Variants in MID2 observed in about 807,000 individuals in gnomAD.
MID2 encodes the protein midline 2.
Under a neutral mutation model 46.1 loss-of-function variants are expected in MID2, and 13 were observed. That is an observed-to-expected ratio of 0.28 (90% CI 0.18 to 0.45). The LOEUF is 0.45. MID2 is among the 20% of genes least tolerant of loss of function. The pLI, the probability that MID2 is intolerant of heterozygous loss-of-function variation, is 1.00. For missense variants in MID2, 431 were observed against 575.4 expected (o/e 0.75, Z 2.57); for synonymous variants, 199 against 212.3 (o/e 0.94, Z 0.55).
At chrX:107,898,637 C>A (rs1314036873) in intron 3 of MID2, among the ~76,000 whole-genome samples, 1 of 112,215 alleles carries the variant, frequency 8.9e-6, no homozygotes, top group Non-Finnish European at 1.9e-5. Flanking sequence ...GAAGCTGAGT[C>A]ATTTTCATCG....
chrX:107,878,552 G>A (rs903636986), intron 3 of MID2, among the ~76,000 whole-genome samples: 1 of 112,437 alleles, frequency 8.9e-6, no homozygotes, highest in African/African-American at 3.2e-5. Flanking sequence ...AAGAAGAAAG[G>A]AAAGATACCA....
At chrX:107,857,470 G>A (rs962094998) in intron 3 of MID2, among the ~76,000 whole-genome samples, 2 of 111,608 alleles carry the variant, frequency 1.8e-5, no homozygotes, top group South Asian at 3.8e-4. Flanking sequence ...TAGTAGAGAC[G>A]CGGTTTCACC....
chrX:107,852,099 C>T (rs1271838572), intron 2 of MID2, among the ~76,000 whole-genome samples: 3 of 111,185 alleles, frequency 2.7e-5, no homozygotes, highest in Non-Finnish European at 5.7e-5. Context: ...ACCATGTTGG[C>T]CAGGCTGGTC....
At chrX:107,907,711 G>A (rs745967735) in intron 5 of MID2, among the ~76,000 whole-genome samples, 50 of 111,429 alleles carry the variant, frequency 4.5e-4, no homozygotes, top group Non-Finnish European at 8.3e-4. Context: ...CAAACTTCGC[G>A]AAAGACTTTA....
Position 107,874,341 on chromosome X carries a change from G to A in MID2, c.816+19637G>A, listed in dbSNP as rs946939468. ...CAGAGATTCCCCTTAGAAGACAGCA[G>A]TCCTGACACATTATGTGGAGTGCAA... On this transcript the variant is annotated intron_variant, in intron 3 of 9. Transcript: ENST00000262843. Among the ~76,000 whole-genome samples, 4 of 112,620 alleles carry A rather than the reference G, an allele frequency of 3.6e-5. No homozygotes were observed. The Admixed American group carries it at 3.7e-4, about 10-fold the overall frequency.
At position 107,917,579 on chromosome X, in the gene MID2, G is replaced by C; in HGVS notation, c.1275G>C (p.Ser425=). The C allele has an allele frequency of 8.3e-7, 1 of 1,211,141 alleles. No homozygotes were observed. Among genetic ancestry groups the C allele is most frequent in the Non-Finnish European group, 1.1e-6 (1 of 895,228 alleles). ...ACACCATTACAGTCCACTGGATCTC[G>C]GATGATGAGTTCAGCATCAGCTCCT... ...SHDTITVHWI[S]DDEFSISSYE... The change falls in exon 7 of 10, where the codon TCG becomes TCC. Residue 425 remains serine, a synonymous_variant. Coordinates refer to ENST00000262843, the MANE Select transcript of MID2 (RefSeq NM_012216.4).
At chrX:107,902,426 G>A (rs749587262) in intron 3 of MID2, among the ~76,000 whole-genome samples, 10 of 111,314 alleles carry the variant, frequency 9.0e-5, no homozygotes, top group African/African-American at 2.6e-4. Context: ...AAAGGAGTTC[G>A]TGAGCTGGTG....
At chrX:107,908,579 A>G (rs1289100217) in intron 5 of MID2, among the ~76,000 whole-genome samples, 1 of 110,132 alleles carries the variant, frequency 9.1e-6, no homozygotes, top group Non-Finnish European at 1.9e-5. Context: ...AATGTCTTCC[A>G]TATCTCAAGA....
intron 3 of MID2, among the ~76,000 whole-genome samples, chrX:107,858,343 C>T (rs1041429680): frequency 8.9e-6 from 1 of 111,987 alleles, no homozygotes; most frequent in African/African-American, 3.2e-5. Context: ...GTTCTTTGTC[C>T]TGGCTCATCA....
chrX:107,844,037 G>C (rs1374241846), intron 2 of MID2, among the ~76,000 whole-genome samples: 3 of 110,392 alleles, frequency 2.7e-5, no homozygotes, highest in Non-Finnish European at 5.7e-5. Context: ...CTGATAACAG[G>C]GTTTATTTTT....
At chrX:107,919,207 G>T (rs1933024062) in intron 7 of MID2, among the ~76,000 whole-genome samples, 1 of 111,377 alleles carries the variant, frequency 9.0e-6, no homozygotes, top group Admixed American at 9.6e-5. Context: ...ATTATGCTTT[G>T]CCATTTACAA....
intron 3 of MID2, among the ~76,000 whole-genome samples, chrX:107,889,581 C>T (rs1033639307): frequency 4.5e-5 from 5 of 111,158 alleles, no homozygotes; most frequent in African/African-American, 1.6e-4. Context: ...TTTGGTGAAT[C>T]TGACAATTAT....
chrX:107,875,431 G>T (rs983330165), intron 3 of MID2, among the ~76,000 whole-genome samples: 1 of 111,598 alleles, frequency 9.0e-6, no homozygotes, highest in Non-Finnish European at 1.9e-5. Context: ...ATCAATGATG[G>T]CTTCTAGTCC....
Position 107,924,502 on chromosome X carries a change from A to G in MID2, c.1595A>G (p.Asn532Ser), listed in dbSNP as rs757104854. Residue 532 changes from asparagine to serine, a missense_variant and splice_region_variant, in exon 8 of 10, where the codon AAC (asparagine) becomes AGC (serine). By Grantham distance (46) the Asn-to-Ser change is conservative. Coordinates refer to ENST00000262843, the MANE Select transcript of MID2 (RefSeq NM_012216.4). ...AGTGAACCTACCCGACTAAAAACAA[A>G]CAGTACGTTGTGGTGATTTCAAAAG... ...RNSEPTRLKT[N>S]SQPFKLDPKM... 4.1e-6 allele frequency: 5 copies of G among 1,209,306 alleles called. No individual in the cohort carries two copies. The highest frequency in any genetic ancestry group is 3.5e-5 in the African/African-American group (2 of 57,226).
chrX:107,911,527 A>G (rs927066668), intron 5 of MID2, among the ~76,000 whole-genome samples: 3 of 111,183 alleles, frequency 2.7e-5, no homozygotes, highest in African/African-American at 9.8e-5. Flanking sequence ...GATACGAACT[A>G]TTTGGTTTTC....
intron 2 of MID2, among the ~76,000 whole-genome samples, chrX:107,842,702 G>A (rs1348331619): frequency 8.9e-6 from 1 of 112,192 alleles, no homozygotes; most frequent in Non-Finnish European, 1.9e-5. Flanking sequence ...TAAATGTGTA[G>A]CAAATTCAAT....
intron 3 of MID2, among the ~76,000 whole-genome samples, chrX:107,866,200 A>G (rs1482653673): frequency 8.9e-6 from 1 of 112,150 alleles, no homozygotes. Context: ...CAGTCAAGAA[A>G]TTCAAACCAT....
chrX:107,900,286 T>G (rs1313979914), intron 3 of MID2, among the ~76,000 whole-genome samples: 3 of 111,690 alleles, frequency 2.7e-5, no homozygotes, highest in Non-Finnish European at 5.6e-5. Context: ...TTATTTTGAT[T>G]TTTTTACTGT....
chrX:107,830,180 A>G (rs1002091394), intron 1 of MID2, among the ~76,000 whole-genome samples: 2 of 112,449 alleles, frequency 1.8e-5, no homozygotes, highest in African/African-American at 3.2e-5. Context: ...TTCTCATTCT[A>G]TCCCATAGAA....
Sources: gnomAD v4.1 joint callset for allele counts (sites outside exome capture counted in the v4.1 genomes callset) on GRCh38, gnomAD v4.1.1 for gene constraint, MANE v1.5 for transcripts, NCBI Gene and HGNC (gene_info 2026-07-23, HGNC 2026-07-21) for gene names.